Variants in VPS52 observed in about 807,000 individuals in gnomAD.
The protein encoded by VPS52 is vacuolar protein sorting-associated protein 52 homolog.
Under a neutral mutation model 98.7 loss-of-function variants are expected in VPS52, and 56 were observed. The observed-to-expected ratio is 0.57, with a 90% CI of 0.46 to 0.71. The LOEUF (loss-of-function observed/expected upper bound fraction) is 0.71, where lower values mean the gene tolerates loss of function less well. Among genes scored for constraint, VPS52 ranks in the 30% least tolerant of loss-of-function variants. The probability of loss-of-function intolerance (pLI) is 0.00; values close to 1 mark genes in which losing one functional copy is unlikely to be tolerated. For missense variants in VPS52, 742 were observed against 925.9 expected (o/e 0.80, Z 2.58); for synonymous variants, 348 against 346.4 (o/e 1.00, Z -0.05).
chr6:33,253,923 T>C (rs1762628235), intron 17 of VPS52, among the ~76,000 whole-genome samples: 1 of 152,146 alleles, frequency 6.6e-6, no homozygotes, highest in Non-Finnish European at 1.5e-5. Flanking sequence ...ATACACCGAA[T>C]ATCACTGATG....
In VPS52 at chr6:33,267,777, C is replaced by G; in HGVS notation, c.934-38G>C. The G allele has an allele frequency of 6.2e-7, 1 of 1,612,948 alleles. No homozygotes were observed. Among genetic ancestry groups the G allele is most frequent in the South Asian group, 1.1e-5 (1 of 91,074 alleles). ...AAAAGAGAACTGATAACCGTCTCTT[C>G]CCACAACACAATAAAATATTCCTTG... On this transcript the variant is annotated intron_variant, in intron 9 of 19. Transcript: ENST00000445902. The surrounding 1 kb of genome is among the most constrained non-coding windows in gnomAD (Gnocchi z 4.2).
intron 12 of VPS52, among the ~76,000 whole-genome samples, chr6:33,265,358 G>A (rs1366994064): frequency 6.6e-6 from 1 of 152,026 alleles, no homozygotes; most frequent in African/African-American, 2.4e-5. Context: ...TTACAGGTGT[G>A]AGCCACTGCA....
In VPS52 at chr6:33,268,957, T is replaced by C; in HGVS notation, c.548+57A>G. On this transcript the variant is annotated intron_variant, in intron 6 of 19. Transcript: ENST00000445902. This position sits in a 1 kb window ranked among gnomAD's most constrained non-coding sequence, Gnocchi z 4.0. ...AGACCCATATGGTAAATAGGGTGGG[T>C]CACCCCAGCCCATCCACCTGCTATG... 6.3e-7 allele frequency: 1 copy of C among 1,584,496 alleles called. No individual in the cohort carries two copies. The highest frequency in any genetic ancestry group is 8.6e-7 in the Non-Finnish European group (1 of 1,163,950).
rs758017342 is a variant in VPS52 at position 33,267,103 on chromosome 6, T to C, written c.1125+85A>G. The C allele has an allele frequency of 3.5e-6, 5 of 1,428,566 alleles. No homozygotes were observed. The highest frequency in any genetic ancestry group is 4.6e-6 in the Non-Finnish European group (5 of 1,086,592). The allele number at this position is 1,428,566 out of a possible 1,614,324, so 88.5% of individuals were successfully genotyped here. A position where few individuals can be genotyped will look rare whatever the true frequency, so the allele number is the denominator to read the frequency against. On this transcript the variant is annotated intron_variant, in intron 11 of 19. Transcript: ENST00000445902. The surrounding 1 kb of genome is among the most constrained non-coding windows in gnomAD (Gnocchi z 4.2). ...GGGGATTAAGACAGGGCCTGCAGGT[T>C]GGGAAGCTCTGCCCTGAGGTCTGGC...
chr6:33,263,229 A>C (rs1198320062), intron 17 of VPS52, among the ~76,000 whole-genome samples: 2 of 144,536 alleles, frequency 1.4e-5, no homozygotes, highest in African/African-American at 5.3e-5. Flanking sequence ...ATGCCACTGC[A>C]CTCCAGCCTG....
chr6:33,267,859 C>T lies in VPS52; in HGVS notation c.933+6G>A, dbSNP rs1011477522. ...GCCCAGGAATACCTCTCCCTCCTGA[C>T]CTTACCTGCACCTTCATGAGCCGCC... On this transcript the variant is annotated splice_donor_region_variant and intron_variant, in intron 9 of 19. Transcript: ENST00000445902. This position sits in a 1 kb window ranked among gnomAD's most constrained non-coding sequence, Gnocchi z 4.2. The T allele has an allele frequency of 8.1e-6, 13 of 1,612,968 alleles. No homozygotes were observed. The African/African-American group carries it at 1.7e-4, about 22-fold the overall frequency.
At chr6:33,261,038 C>A (rs888447655) in intron 17 of VPS52, among the ~76,000 whole-genome samples, 2 of 151,566 alleles carry the variant, frequency 1.3e-5, no homozygotes, top group Admixed American at 6.6e-5. Flanking sequence ...CACTTGAGGG[C>A]AGTAATTCAA....
At position 33,266,587 on chromosome 6, in the gene VPS52, A is replaced by T; in HGVS notation, c.1251T>A (p.Ala417=). 6.2e-7 allele frequency: 1 copy of T among 1,612,328 alleles called. No homozygotes were observed. The highest frequency in any genetic ancestry group is 8.5e-7 in the Non-Finnish European group (1 of 1,179,584). Reference sequence around the variant, plus strand: ...TCATGCTGAGTGTACGGCCCATGACAGCATGGAACAGGTCGTGTGCAGCTG... The same window carrying T: ...TCATGCTGAGTGTACGGCCCATGACTGCATGGAACAGGTCGTGTGCAGCTG... ...SGPAAHDLFH[A]VMGRTLSMTL... The change falls in exon 12 of 20, where the codon GCT becomes GCA. Residue 417 remains alanine (A), a synonymous_variant. Coordinates refer to ENST00000445902, the MANE Select transcript of VPS52 (RefSeq NM_022553.6).
In VPS52 at chr6:33,250,531, G is replaced by C. The variant is rs925014906; in HGVS notation, c.*310C>G. 6 of 344,334 alleles carry C rather than the reference G, an allele frequency of 1.7e-5. No homozygotes were observed. The highest frequency in any genetic ancestry group is 2.6e-5 in the Non-Finnish European group (5 of 189,504). The allele number at this position is 344,334 out of a possible 1,614,324, so 21.3% of individuals were successfully genotyped here. ...GATTGAGGCAGTGGTTTTTACAGGG[G>C]AAGAAACAAGCCTTGGGTGTATGGG... On this transcript the variant is annotated 3_prime_UTR_variant, in exon 20 of 20. Coordinates refer to ENST00000445902, the MANE Select transcript of VPS52 (RefSeq NM_022553.6).
In VPS52 at chr6:33,267,820, C is replaced by T. The variant is rs1377016067; in HGVS notation, c.933+45G>A. ...ATTCCTTGCCCAGGGATGTCCCCTC[C>T]TCCCAGTCCATGTGCCCAGGAATAC... On this transcript the variant is annotated intron_variant, in intron 9 of 19. Coordinates refer to ENST00000445902, the MANE Select transcript of VPS52 (RefSeq NM_022553.6). This position sits in a 1 kb window ranked among gnomAD's most constrained non-coding sequence, Gnocchi z 4.2. 1 of 1,613,002 alleles carries T rather than the reference C, an allele frequency of 6.2e-7. No individual in the cohort carries two copies. Among genetic ancestry groups the T allele is most frequent in the Non-Finnish European group, 8.5e-7 (1 of 1,179,964 alleles).
At position 33,267,792 on chromosome 6, in the gene VPS52, A is replaced by G; in HGVS notation, c.934-53T>C. The G allele has an allele frequency of 6.2e-7, 1 of 1,612,836 alleles. No homozygotes were observed. On this transcript the variant is annotated intron_variant, in intron 9 of 19. Coordinates refer to ENST00000445902, the MANE Select transcript of VPS52 (RefSeq NM_022553.6). The surrounding 1 kb of genome is among the most constrained non-coding windows in gnomAD (Gnocchi z 4.2). ...ACCGTCTCTTCCCACAACACAATAAAATATTCCTTGCCCAGGGATGTCCCC... is the reference window on the plus strand; with the variant it reads ...ACCGTCTCTTCCCACAACACAATAAGATATTCCTTGCCCAGGGATGTCCCC...
rs567365122 is a variant in VPS52, at chr6:33,264,375, T to G, written c.1523A>C (p.Tyr508Ser). ...TTTGTTACCCTTGCCCTCCCTCACA[T>G]AGTGGGGCCGAGTATCCAACCCCCC... ...RLGGLDTRPH[Y>S]ITRRYAEFSS... The change falls in exon 14 of 20, where the codon TAT becomes TCT. Residue 508 changes from tyrosine (Y) to serine (S), a missense_variant and splice_region_variant. Physicochemically the swap from Tyr to Ser is moderately radical, Grantham distance 144. This residue lies in a region of VPS52 where 590 missense variants were observed against 793.3 expected (regional missense o/e 0.74). Transcript: ENST00000445902. 1 of 1,613,852 alleles carries G rather than the reference T, an allele frequency of 6.2e-7. No homozygotes were observed. The highest frequency in any genetic ancestry group is 8.5e-7 in the Non-Finnish European group (1 of 1,179,936).
rs1554258932 is a variant in VPS52 at position 33,263,414 on chromosome 6, C to CAGAG, written c.1794+66_1794+69dup. 3.4e-3 allele frequency: 3,274 copies of CAGAG among 971,256 alleles called. 3 individuals carry two copies. The highest frequency in any genetic ancestry group is 0.011 in the African/African-American group (552 of 51,758). 60.2% of individuals were successfully genotyped at this position (971,256 alleles called of 1,614,324 possible). On this transcript the variant is annotated intron_variant, in intron 17 of 19. Transcript: ENST00000445902. ...ACACACACACACACACACACACACACAGAGAGAGAGAGAGAGAGAGCTGAA... is the reference window on the plus strand; with the variant it reads ...ACACACACACACACACACACACACACAGAGAGAGAGAGAGAGAGAGAGAGCTGAA...
At position 33,271,723 on chromosome 6, in the gene VPS52, C is replaced by G. The variant is rs1467521647; in HGVS notation, c.-48G>C. On this transcript the variant is annotated 5_prime_UTR_variant, in exon 1 of 20. Coordinates refer to ENST00000445902, the MANE Select transcript of VPS52 (RefSeq NM_022553.6). ...AACTGTCAGTCCCGGCGAGTCCGTTCCCCGGAGTGGAGCTACAAGTCCCAA... is the reference window on the plus strand; with the variant it reads ...AACTGTCAGTCCCGGCGAGTCCGTTGCCCGGAGTGGAGCTACAAGTCCCAA... 1 of 1,563,760 alleles carries G rather than the reference C, an allele frequency of 6.4e-7. No individual in the cohort carries two copies. Among genetic ancestry groups the G allele is most frequent in the Non-Finnish European group, 8.7e-7 (1 of 1,153,016 alleles).
intron 12 of VPS52, among the ~76,000 whole-genome samples, chr6:33,265,328 A>T (rs1444659296): frequency 6.6e-6 from 1 of 152,012 alleles, no homozygotes; most frequent in Non-Finnish European, 1.5e-5. Flanking sequence ...CGCCCACCTC[A>T]GCCTCCTAAA....
chr6:33,255,892 T>A (rs1762890951), intron 17 of VPS52, among the ~76,000 whole-genome samples: 1 of 151,094 alleles, frequency 6.6e-6, no homozygotes, highest in Admixed American at 6.6e-5. Context: ...TTCTCCCATC[T>A]CAGCATCCCA....
At chr6:33,269,298 C>G (rs1764711499) in intron 5 of VPS52, 109 bp from the exon 6 acceptor site, 5 of 1,497,972 alleles carry the variant, frequency 3.3e-6, no homozygotes, top group Non-Finnish European at 4.6e-6. Context: ...TTGAGGGTGG[C>G]AGATGATGAG....
chr6:33,270,444 C>T (rs966792084), intron 1 of VPS52, among the ~76,000 whole-genome samples, 161 bp from the exon 2 acceptor site: 3 of 152,178 alleles, frequency 2.0e-5, no homozygotes, highest in Non-Finnish European at 4.4e-5. Flanking sequence ...TACCCACTCT[C>T]CTATTTTGTG....
At chr6:33,266,997 A>C (rs969911425) in intron 11 of VPS52, among the ~76,000 whole-genome samples, 191 bp downstream of exon 11, 1 of 152,106 alleles carries the variant, frequency 6.6e-6, no homozygotes, top group African/African-American at 2.4e-5. Flanking sequence ...TCCCCTCTGC[A>C]TGCCCTTAAG....
Sources: gnomAD v4.1 joint callset for allele counts (sites outside exome capture counted in the v4.1 genomes callset) on GRCh38, gnomAD v4.1.1 for gene constraint, gnomAD v4.1.1 regional missense constraint, Gnocchi (gnomAD v3.1) non-coding constraint, MANE v1.5 for transcripts, NCBI Gene and HGNC (gene_info 2026-07-23, HGNC 2026-07-21) for gene names.